YBX3: variants seen among roughly 807,000 people sequenced by gnomAD.
YBX3 encodes the protein Y-box-binding protein 3.
YBX3 carries 29 observed loss-of-function variants against 42.4 expected under a neutral mutation model. That is an observed-to-expected ratio of 0.68 (90% CI 0.51 to 0.93). The LOEUF (loss-of-function observed/expected upper bound fraction) is 0.93. Among genes scored for constraint, YBX3 ranks in the 40% least tolerant of loss-of-function variants. YBX3 has a pLI of 0.00. For missense variants in YBX3, 517 were observed against 527.5 expected, an observed-to-expected ratio of 0.98 and a Z score of 0.19; for synonymous variants, 195 against 189.8, an observed-to-expected ratio of 1.03 and a Z score of -0.22.
At chr12:10,720,407 A>C (rs916647294) in intron 1 of YBX3, among the ~76,000 whole-genome samples, 12 of 152,166 alleles carry the variant, frequency 7.9e-5, no homozygotes, top group Non-Finnish European at 1.5e-5. Context: ...AAAGTTATGC[A>C]GTCTACACTG....
chr12:10,706,025 G>A (rs904352185), intron 6 of YBX3, among the ~76,000 whole-genome samples: 23 of 152,128 alleles, frequency 1.5e-4, no homozygotes, highest in African/African-American at 5.3e-4. Context: ...TGGGGGACAG[G>A]TATGCTCAAT....
In YBX3 at chr12:10,710,081, T is replaced by C; in HGVS notation, c.607A>G (p.Ser203Gly). 1 of 1,613,986 alleles carries C rather than the reference T, an allele frequency of 6.2e-7. No individual in the cohort carries two copies. The highest frequency in any genetic ancestry group is 8.5e-7 in the Non-Finnish European group (1 of 1,179,986). ...AGEEEEEGSGSSEGFDPPATD... is the reference protein window; with the variant it reads ...AGEEEEEGSGGSEGFDPPATD... The stretch of plus-strand genomic sequence containing the variant: ...GCAGGGGGGTCAAATCCTTCACTGC[T>C]GCCGCTCCCTTCCTCCTCCTCCTCC... The change falls in exon 6 of 10, where the codon AGC (serine) becomes GGC (glycine). Residue 203 changes from serine to glycine, a missense_variant. Ser to Gly is a moderately conservative substitution (Grantham distance 56). This residue lies in a region of YBX3 where 420 missense variants were observed against 408.5 expected (regional missense o/e 1.03). Coordinates refer to ENST00000228251, the MANE Select transcript of YBX3 (RefSeq NM_003651.5).
At chr12:10,710,257 C>T in intron 5 of YBX3, 143 bp from the exon 6 acceptor site, 2 of 1,519,636 alleles carry the variant, frequency 1.3e-6, no homozygotes, top group Non-Finnish European at 1.8e-6. Flanking sequence ...ATGCATTTAA[C>T]CCAGATTATC....
chr12:10,700,727 G>A (rs1408135067), intron 9 of YBX3, among the ~76,000 whole-genome samples: 1 of 152,072 alleles, frequency 6.6e-6, no homozygotes, highest in South Asian at 2.1e-4. Flanking sequence ...TGAGACAGAG[G>A]ATAAACTGCT....
intron 6 of YBX3, among the ~76,000 whole-genome samples, chr12:10,706,452 G>A (rs1272788691): frequency 6.6e-6 from 1 of 152,006 alleles, no homozygotes; most frequent in Non-Finnish European, 1.5e-5. Context: ...TTAAACTTTT[G>A]TCTTCACCAA....
In YBX3 at chr12:10,714,634, C is replaced by T. The variant is rs79407985; in HGVS notation, c.450+1060G>A. ...AAACAAAATGATTAATATTCAATTT[C>T]GATCTCCTTTTATTGGGATTAAAAT... is the stretch of plus-strand genomic sequence containing the variant. On this transcript the variant is annotated intron_variant, in intron 4 of 9. Coordinates refer to ENST00000228251, the MANE Select transcript of YBX3 (RefSeq NM_003651.5). Among the ~76,000 whole-genome samples, 34 of 152,264 alleles carry T rather than the reference C, an allele frequency of 2.2e-4. No homozygotes were observed. In the East Asian group the frequency reaches 4.4e-3, roughly 20 times the overall value.
chr12:10,702,417 A>G, intron 7 of YBX3: 1 of 186,576 alleles, frequency 5.4e-6, no homozygotes, highest in Non-Finnish European at 1.1e-5. Context: ...GCTACCTGGG[A>G]GGCTGAGGCA....
chr12:10,709,867 G>C, intron 6 of YBX3, 41 bp downstream of exon 6: 1 of 1,607,660 alleles, frequency 6.2e-7, no homozygotes, highest in African/African-American at 1.3e-5. Flanking sequence ...AAGGACGGAA[G>C]GGTGAGGATT....
Position 10,713,316 on chromosome 12 carries a change from A to G in YBX3, c.468T>C (p.Asn156=), listed in dbSNP as rs142640698. 1.6e-5 allele frequency: 26 copies of G among 1,613,874 alleles called. No homozygotes were observed. The highest frequency in any genetic ancestry group is 2.2e-5 in the Non-Finnish European group (26 of 1,180,026). ...CAGGAACTCCATCCGGGCCAGTCAC[A>G]TTGGCAGCTTCTGCACCCTGAGAAG... is the stretch of plus-strand genomic sequence containing the variant. ...VEGEKGAEAA[N]VTGPDGVPVE... The change falls in exon 5 of 10, where the codon AAT becomes AAC. Residue 156 remains asparagine (N), a synonymous_variant. Coordinates refer to ENST00000228251, the MANE Select transcript of YBX3 (RefSeq NM_003651.5).
chr12:10,713,418 G>A (rs996985397), intron 4 of YBX3, 85 bp from the exon 5 acceptor site: 1 of 1,459,776 alleles, frequency 6.9e-7, no homozygotes, highest in Non-Finnish European at 9.2e-7. Flanking sequence ...TAGAGTATAA[G>A]ACTGGCAGAA....
At chr12:10,717,739 G>A (rs1829119453) in intron 3 of YBX3, 1 of 168,142 alleles carries the variant, frequency 5.9e-6, no homozygotes, top group Non-Finnish European at 1.3e-5. Context: ...TTGGCTCCAG[G>A]CAAACACTAA....
intron 5 of YBX3, chr12:10,710,942 C>A: frequency 6.3e-6 from 1 of 159,010 alleles, no homozygotes; most frequent in Non-Finnish European, 1.4e-5. Flanking sequence ...TAAACATTGA[C>A]AAAAACTCTA....
At chr12:10,717,556 T>C (rs1447754571) in intron 3 of YBX3, among the ~76,000 whole-genome samples, 1 of 152,190 alleles carries the variant, frequency 6.6e-6, no homozygotes, top group Non-Finnish European at 1.5e-5. Context: ...TAAGGGAATT[T>C]GCAGCTTTTG....
chr12:10,701,164 ACT>A, intron 9 of YBX3, 88 bp downstream of exon 9: 2 of 689,940 alleles, frequency 2.9e-6, no homozygotes, highest in Non-Finnish European at 2.6e-6. Flanking sequence ...GAACTGCAGA[ACT>A]AGTTTAGACT....
chr12:10,715,827 T>C (rs550598669), intron 3 of YBX3, 44 bp from the exon 4 acceptor site: 15 of 1,523,332 alleles, frequency 9.8e-6, no homozygotes, highest in South Asian at 2.3e-5. Context: ...TATTTCAATA[T>C]TGGCCACAGA....
chr12:10,713,279 G>A lies in YBX3; in HGVS notation c.505C>T (p.Arg169Cys), dbSNP rs760752611. The A allele has an allele frequency of 6.2e-6, 10 of 1,613,866 alleles. No individual in the cohort carries two copies. The highest frequency in any genetic ancestry group is 1.6e-4 in the Middle Eastern group (1 of 6,084). ...TAACGGCGCCGATCTGCAGCGTAAC[G>A]ACTCCCTTCCACAGGAACTCCATCC... is the stretch of plus-strand genomic sequence containing the variant. The part of the protein sequence containing the change: ...GPDGVPVEGS[R>C]YAADRRRYRR... Residue 169 changes from arginine (R) to cysteine (C), a missense_variant, in exon 5 of 10, where the codon CGT becomes TGT. Physicochemically the swap from Arg to Cys is radical, Grantham distance 180. This residue lies in a region of YBX3 where 420 missense variants were observed against 408.5 expected (regional missense o/e 1.03). Coordinates refer to ENST00000228251, the MANE Select transcript of YBX3 (RefSeq NM_003651.5).
intron 5 of YBX3, chr12:10,710,629 A>G (rs1467595279): frequency 1.7e-6 from 2 of 1,204,212 alleles, no homozygotes; most frequent in Middle Eastern, 4.4e-4. Context: ...AACTATTGCC[A>G]TAATATTACT....
chr12:10,708,921 C>G (rs900987560), intron 6 of YBX3, among the ~76,000 whole-genome samples: 6 of 152,210 alleles, frequency 3.9e-5, no homozygotes, highest in African/African-American at 9.7e-5. Context: ...ATATTACAAT[C>G]TCACTGACTT....
At chr12:10,722,556 G>A (rs767662656) in intron 1 of YBX3, among the ~76,000 whole-genome samples, 4 of 152,212 alleles carry the variant, frequency 2.6e-5, no homozygotes, top group Admixed American at 6.5e-5. Context: ...CCGCAACAGT[G>A]CCCGTCTGGG....
Sources: gnomAD v4.1 joint callset for allele counts (sites outside exome capture counted in the v4.1 genomes callset) on GRCh38, gnomAD v4.1.1 for gene constraint, gnomAD v4.1.1 regional missense constraint, MANE v1.5 for transcripts, NCBI Gene and HGNC (gene_info 2026-07-23, HGNC 2026-07-21) for gene names.